Variants in G6PD observed in about 807,000 individuals in gnomAD.
G6PD encodes glucose-6-phosphate 1-dehydrogenase.
Under a neutral mutation model 38.2 loss-of-function variants are expected in G6PD, and 2 were observed. The ratio of observed to expected loss-of-function variants is 0.05; its 90% CI spans 0.02 to 0.16. G6PD has a LOEUF of 0.16. Among genes scored for constraint, G6PD ranks in the 10% least tolerant of loss-of-function variants. The probability of loss-of-function intolerance (pLI) is 1.00; values close to 1 mark genes in which losing one functional copy is unlikely to be tolerated. For synonymous variants in G6PD, 188 were observed against 196.0 expected, an observed-to-expected ratio of 0.96 and a Z score of 0.34; for missense variants, 310 against 471.6, an observed-to-expected ratio of 0.66 and a Z score of 3.17.
chrX:154,547,285 A>G (rs1295045770), upstream of G6PD: 4 of 733,738 alleles, frequency 5.5e-6, no homozygotes, highest in Admixed American at 2.6e-4. Flanking sequence ...CTGCCGCGCC[A>G]CTCCCCCGGG....
chrX:154,533,864 C>T (rs2070372865), intron 7 of G6PD, 171 bp downstream of exon 7: 1 of 1,196,487 alleles, frequency 8.4e-7, no homozygotes, highest in Non-Finnish European at 1.1e-6. Context: ...CCGTGGGGTG[C>T]TTGGCTGTGT....
Position 154,535,929 on chromosome X carries a change from C to A in G6PD, c.267+8G>T. On this transcript the variant is annotated splice_region_variant and intron_variant, in intron 4 of 12. Transcript: ENST00000393562. ...AACCAGGCTGGGGGAGGCCCTGACA[C>A]CACCCACCTTGAAGAAGGGCTCACT... 8.3e-7 allele frequency: 1 copy of A among 1,202,515 alleles called. No individual in the cohort carries two copies. The highest frequency in any genetic ancestry group is 1.1e-6 in the Non-Finnish European group (1 of 887,331).
At chrX:154,541,896 C>T (rs1557232006) in intron 2 of G6PD, among the ~76,000 whole-genome samples, 2 of 112,112 alleles carry the variant, frequency 1.8e-5, no homozygotes, top group Admixed American at 9.4e-5. Flanking sequence ...TGCTGGAGGG[C>T]CAGCGGGGGT....
chrX:154,542,324 A>G (rs1449943436), intron 2 of G6PD: 3 of 1,188,731 alleles, frequency 2.5e-6, no homozygotes, highest in Non-Finnish European at 3.4e-6. Flanking sequence ...CCCGCAGACT[A>G]TCAATCCCAG....
intron 1 of G6PD, 24 bp downstream of exon 1, chrX:154,546,765 C>T: frequency 2.6e-6 from 3 of 1,135,048 alleles, no homozygotes; most frequent in Non-Finnish European, 2.3e-6. Flanking sequence ...CCTCCGCCTG[C>T]GCGGCGCCCG....
chrX:154,537,358 C>T (rs1449808112), intron 2 of G6PD, among the ~76,000 whole-genome samples: 1 of 111,283 alleles, frequency 9.0e-6, no homozygotes, highest in Admixed American at 9.6e-5. Context: ...TGGCTCAAGC[C>T]TATAATCCCA....
rs1557230641 is a variant in G6PD, at chrX:154,535,353, G to T, written c.300C>A (p.Asp100Glu). 5 of 1,211,860 alleles carry T rather than the reference G, an allele frequency of 4.1e-6. No individual in the cohort carries two copies. Among genetic ancestry groups the T allele is most frequent in the Non-Finnish European group, 5.6e-6 (5 of 895,393 alleles). Residue 100 changes from aspartate (D) to glutamate (E), a missense_variant, in exon 5 of 13, where the codon GAC becomes GAA. Asp to Glu is a conservative substitution (Grantham distance 45). This residue lies in a region of G6PD where 96 missense variants were observed against 93.3 expected (regional missense o/e 1.03). Transcript: ENST00000393562. ...ATPEEKLKLE[D>E]FFARNSYVAG... is the part of the protein sequence containing the mutation. ...CCACATAGGAGTTGCGGGCAAAGAA[G>T]TCCTCCAGCTTGAGCTTCTCCTCTG...
intron 2 of G6PD, among the ~76,000 whole-genome samples, chrX:154,545,421 GAA>G (rs781836287): frequency 9.8e-5 from 11 of 111,966 alleles, no homozygotes; most frequent in Admixed American, 6.6e-4. Flanking sequence ...GAACAGGTCT[GAA>G]AAAACTACAG....
At chrX:154,539,724 T>A (rs1557231422) in intron 2 of G6PD, among the ~76,000 whole-genome samples, 1 of 110,555 alleles carries the variant, frequency 9.0e-6, no homozygotes, top group Non-Finnish European at 1.9e-5. Flanking sequence ...TCATGACATG[T>A]ATTTCTTTTT....
intron 8 of G6PD, chrX:154,533,342 C>T: frequency 2.0e-6 from 1 of 500,749 alleles, no homozygotes; most frequent in Non-Finnish European, 3.3e-6. Flanking sequence ...AAGCTGAGGC[C>T]CAGAGAGGCA....
chrX:154,543,246 G>A (rs1200611510), intron 2 of G6PD, among the ~76,000 whole-genome samples: 3 of 112,632 alleles, frequency 2.7e-5, no homozygotes, highest in Non-Finnish European at 3.7e-5. Context: ...GAAAGCCTCA[G>A]GTTGTCACTC....
chrX:154,547,313 G>T, upstream of G6PD: 1 of 754,261 alleles, frequency 1.3e-6, no homozygotes, highest in Non-Finnish European at 1.6e-6. Flanking sequence ...GCCTGTTCGC[G>T]GGTCAAGCCG....
chrX:154,538,413 T>C (rs1234860164), intron 2 of G6PD, among the ~76,000 whole-genome samples: 1 of 112,551 alleles, frequency 8.9e-6, no homozygotes, highest in African/African-American at 3.2e-5. Flanking sequence ...GTTGGTTTGA[T>C]ATTAACAGAA....
chrX:154,534,626 C>T lies in G6PD; in HGVS notation c.486-130G>A, dbSNP rs782315388. The T allele has an allele frequency of 3.5e-4, 271 of 783,354 alleles. 2 individuals carry two copies. In the South Asian group the frequency reaches 5.3e-3, roughly 15 times the overall value. The allele number at this position is 783,354 out of a possible 1,213,427, so 64.6% of individuals were successfully genotyped here. A position where few individuals can be genotyped will look rare whatever the true frequency, so the allele number is the denominator to read the frequency against. On this transcript the variant is annotated intron_variant, in intron 5 of 12. Coordinates refer to ENST00000393562, the MANE Select transcript of G6PD (RefSeq NM_001360016.2). ...CCTCCTCGCCCCCGTGGCCACCTCC[C>T]GTGCCTTGTGTTCCCAGATGACCCT...
rs1359222355 is a variant in G6PD, at chrX:154,532,733, T to C, written c.1121A>G (p.His374Arg). 4 of 1,210,855 alleles carry C rather than the reference T, an allele frequency of 3.3e-6. No individual in the cohort carries two copies. The highest frequency in any genetic ancestry group is 1.8e-5 in the South Asian group (1 of 56,848). ...ERKAEVRLQFHDVAGDIFHQQ... is the reference protein window; with the variant it reads ...ERKAEVRLQFRDVAGDIFHQQ... ...GTGGAAGATGTCGCCGGCCACATCA[T>C]GGAACTGCAGCCTCACCTCGGCCTT... Residue 374 changes from histidine (H) to arginine (R), a missense_variant, in exon 10 of 13, where the codon CAT becomes CGT. This residue lies in a region of G6PD where 168 missense variants were observed against 309.2 expected (regional missense o/e 0.54). Transcript: ENST00000393562.
chrX:154,546,261 T>A lies in G6PD; in HGVS notation c.-8-98A>T, dbSNP rs1183113176. ...GTTCCTCTGGGGTCTCACACCAGGG[T>A]GACACCTGATTGCCCAAATCACTCC... is the stretch of plus-strand genomic sequence containing the variant. On this transcript the variant is annotated intron_variant, in intron 1 of 12. Coordinates refer to ENST00000393562, the MANE Select transcript of G6PD (RefSeq NM_001360016.2). 3 of 1,066,297 alleles carry A rather than the reference T, an allele frequency of 2.8e-6. No homozygotes were observed. In the African/African-American group the frequency reaches 5.5e-5, roughly 20 times the overall value. The allele number at this position is 1,066,297 out of a possible 1,213,427, so 87.9% of individuals were successfully genotyped here.
chrX:154,531,676 G>T lies in G6PD; in HGVS notation c.*324C>A. ...CCTCCCACCCTGGCCCCACTCAGGA[G>T]TGAGACCCAGTGGCCAATAAGCTCT... On this transcript the variant is annotated 3_prime_UTR_variant, in exon 13 of 13. Coordinates refer to ENST00000393562, the MANE Select transcript of G6PD (RefSeq NM_001360016.2). 3.3e-6 allele frequency: 1 copy of T among 306,189 alleles called. No homozygotes were observed. The highest frequency in any genetic ancestry group is 5.8e-6 in the Non-Finnish European group (1 of 171,335). The allele number at this position is 306,189 out of a possible 1,213,427, so 25.2% of individuals were successfully genotyped here. A position where few individuals can be genotyped will look rare whatever the true frequency, so the allele number is the denominator to read the frequency against.
rs1340788392 is a variant in G6PD, at chrX:154,532,657, G to A, written c.1197C>T (p.Ala399=). Reference sequence around the variant, plus strand: ...TCTTGGTCATCATCTTGGTGTACACGGCCTCGTTGGGCTGCACGCGGATCA... The same window carrying A: ...TCTTGGTCATCATCTTGGTGTACACAGCCTCGTTGGGCTGCACGCGGATCA... ...ELVIRVQPNE[A]VYTKMMTKKP... is the part of the protein sequence containing the mutation. The change falls in exon 10 of 13, where the codon GCC becomes GCT. Residue 399 remains alanine (A), a synonymous_variant. Coordinates refer to ENST00000393562, the MANE Select transcript of G6PD (RefSeq NM_001360016.2). 5 of 1,211,052 alleles carry A rather than the reference G, an allele frequency of 4.1e-6. No homozygotes were observed. Among genetic ancestry groups the A allele is most frequent in the East Asian group, 3.0e-5 (1 of 33,817 alleles).
At chrX:154,534,302 C>T in intron 6 of G6PD, 36 bp downstream of exon 6, 9 of 1,208,591 alleles carry the variant, frequency 7.4e-6, no homozygotes, top group Middle Eastern at 2.3e-4. Flanking sequence ...TGAGTACCAC[C>T]CCCACCCTGG....
Sources: gnomAD v4.1 joint callset for allele counts (sites outside exome capture counted in the v4.1 genomes callset) on GRCh38, gnomAD v4.1.1 for gene constraint, gnomAD v4.1.1 regional missense constraint, MANE v1.5 for transcripts, NCBI Gene and HGNC (gene_info 2026-07-23, HGNC 2026-07-21) for gene names.